The following LITAF variants were observed in gnomAD, a reference collection of about 807,000 sequenced individuals.
LITAF encodes the protein lipopolysaccharide induced TNF factor, also known as lipopolysaccharide-induced tumor necrosis factor-alpha factor.
In LITAF, 9 loss-of-function variants were observed where a neutral mutation model predicts 14.5. That is an observed-to-expected ratio of 0.62 (90% CI 0.37 to 1.08). The LOEUF is 1.08. Ranked by LOEUF, LITAF falls within the 50% of genes least tolerant of loss-of-function variation. The probability of loss-of-function intolerance (pLI) is 0.01; values close to 1 mark genes in which losing one functional copy is unlikely to be tolerated. For synonymous variants in LITAF, 98 were observed against 88.2 expected (o/e 1.11, Z -0.62); for missense variants, 206 against 213.4 (o/e 0.97, Z 0.22).
upstream of LITAF, among the ~76,000 whole-genome samples, chr16:11,639,448 T>G (rs2065155563): frequency 6.8e-6 from 1 of 146,674 alleles, no homozygotes; most frequent in Admixed American, 6.8e-5. Flanking sequence ...GTGGGTGGGA[T>G]GCATGGATGG....
chr16:11,567,706 C>T (rs2064475031), intron 1 of LITAF, among the ~76,000 whole-genome samples: 1 of 151,700 alleles, frequency 6.6e-6, no homozygotes, highest in Non-Finnish European at 1.5e-5. Context: ...AGTTCCAGGC[C>T]GGGCATGGTG....
intron 3 of LITAF, among the ~76,000 whole-genome samples, chr16:11,608,103 G>C (rs1225898705): frequency 1.3e-5 from 2 of 152,162 alleles, no homozygotes; most frequent in African/African-American, 2.4e-5. Flanking sequence ...AGGCTTCCAG[G>C]ACACAGAGCT....
chr16:11,639,711 T>A (rs1288855215), upstream of LITAF, among the ~76,000 whole-genome samples: 1 of 152,158 alleles, frequency 6.6e-6, no homozygotes, highest in African/African-American at 2.4e-5. Context: ...ATAATCTTTT[T>A]AGGCCAGGTG....
intron 3 of LITAF, among the ~76,000 whole-genome samples, chr16:11,627,754 G>A (rs2065092747): frequency 6.6e-6 from 1 of 152,186 alleles, no homozygotes; most frequent in South Asian, 2.1e-4. Flanking sequence ...TGACGCAGGA[G>A]AATGGCTTGC....
chr16:11,553,677 G>A lies in LITAF; in HGVS notation c.233C>T (p.Thr78Met), dbSNP rs1228516620. 16 of 1,614,018 alleles carry A rather than the reference G, an allele frequency of 9.9e-6. No individual in the cohort carries two copies. Among genetic ancestry groups the A allele is most frequent in the East Asian group, 2.2e-5 (1 of 44,898 alleles). Residue 78 changes from threonine to methionine, a missense_variant, in exon 3 of 4, where the codon ACG becomes ATG. Physicochemically the swap from Thr to Met is moderately conservative, Grantham distance 81. Transcript: ENST00000622633. The surrounding 1 kb of genome is among the most constrained non-coding windows in gnomAD (Gnocchi z 7.7). ...IPNNNPITVQ[T>M]VYVQHPITFL... ...GGTGATGGGGTGCTGCACGTAGACC[G>A]TCTGCACGGTAACTGATGAAAGGGA...
At chr16:11,621,375 T>G (rs1340665202) in intron 3 of LITAF, among the ~76,000 whole-genome samples, 1 of 152,128 alleles carries the variant, frequency 6.6e-6, no homozygotes, top group African/African-American at 2.4e-5. Context: ...CAGCCAATTT[T>G]TATATGTTTT....
At chr16:11,550,083 G>A (rs1040611958) in intron 3 of LITAF, among the ~76,000 whole-genome samples, 2 of 152,162 alleles carry the variant, frequency 1.3e-5, no homozygotes, top group East Asian at 1.9e-4. Context: ...AGGAGGGAGC[G>A]TGGCCCTGCT....
At chr16:11,576,763 A>G (rs2141817273) in intron 1 of LITAF, among the ~76,000 whole-genome samples, 1 of 152,306 alleles carries the variant, frequency 6.6e-6, no homozygotes, top group East Asian at 1.9e-4. Context: ...AAGAGTTCAT[A>G]GTTGCCGTGG....
intron 3 of LITAF, among the ~76,000 whole-genome samples, chr16:11,614,800 T>A (rs1172969279): frequency 6.6e-6 from 1 of 152,220 alleles, no homozygotes; most frequent in Admixed American, 6.5e-5. Context: ...ATCTTCTTAC[T>A]TCCTCTGATA....
Position 11,553,322 on chromosome 16 carries a change from A to G in LITAF, c.377+211T>C. ...GCTACACGGGACGCTAAGGCAGGAG[A>G]ATCGTTTGAACCTGAGCAGTGGGGG... is the stretch of plus-strand genomic sequence containing the variant. On this transcript the variant is annotated intron_variant, in intron 3 of 3. Transcript: ENST00000622633. This position sits in a 1 kb window ranked among gnomAD's most constrained non-coding sequence, Gnocchi z 7.7. 1.8e-6 allele frequency: 1 copy of G among 564,394 alleles called. No individual in the cohort carries two copies. The highest frequency in any genetic ancestry group is 3.2e-6 in the Non-Finnish European group (1 of 313,106). 35.0% of individuals were successfully genotyped at this position (564,394 alleles called of 1,614,324 possible).
intron 3 of LITAF, among the ~76,000 whole-genome samples, chr16:11,607,770 A>G (rs1446743574): frequency 6.6e-6 from 1 of 152,154 alleles, no homozygotes; most frequent in African/African-American, 2.4e-5. Flanking sequence ...TGGCACTATT[A>G]GTATTTGGGG....
chr16:11,638,096 C>A (rs866521645), upstream of LITAF, among the ~76,000 whole-genome samples: 215 of 64,384 alleles, frequency 3.3e-3, 28 homozygotes, highest in South Asian at 7.7e-3. Context: ...ATCTATCTAT[C>A]TATATATATA....
At chr16:11,636,101 A>C (rs2065136983) in intron 1 of LITAF, 3 of 152,222 alleles carry the variant, frequency 2.0e-5, no homozygotes, top group Admixed American at 2.0e-4. Context: ...TCTGAGCTCC[A>C]TCCCAAGCAT....
intron 1 of LITAF, among the ~76,000 whole-genome samples, chr16:11,570,228 G>T (rs906809768): frequency 6.6e-6 from 1 of 152,100 alleles, no homozygotes; most frequent in African/African-American, 2.4e-5. Flanking sequence ...CACTTCAGAG[G>T]GCTGCTGTGA....
In LITAF at chr16:11,555,569, G is replaced by A. The variant is rs964877088; in HGVS notation, c.220+942C>T. Among the ~76,000 whole-genome samples the A allele has an allele frequency of 1.3e-4, 19 of 151,896 alleles. 1 individual carries two copies. The highest frequency in any genetic ancestry group is 9.8e-4 in the Admixed American group (15 of 15,242). On this transcript the variant is annotated intron_variant, in intron 2 of 3. Coordinates refer to ENST00000622633, the MANE Select transcript of LITAF (RefSeq NM_001136472.2). ...AGCTATTCCAGAGACTGAAGTGGGA[G>A]GATCACTTGAGCCCAGGAGGTCCAG...
chr16:11,570,261 CG>C (rs2064521392), intron 1 of LITAF, among the ~76,000 whole-genome samples: 1 of 152,050 alleles, frequency 6.6e-6, no homozygotes, highest in South Asian at 2.1e-4. Flanking sequence ...CAAAATACAC[CG>C]GAACATTGGG....
At chr16:11,561,721 C>T (rs1263628195) in intron 1 of LITAF, 1 of 152,114 alleles carries the variant, frequency 6.6e-6, no homozygotes, top group African/African-American at 2.4e-5. Flanking sequence ...TTTTGTTTCC[C>T]TTGTTTTGCG....
intron 1 of LITAF, among the ~76,000 whole-genome samples, chr16:11,582,334 A>C (rs904216726): frequency 5.3e-5 from 8 of 151,572 alleles, no homozygotes; most frequent in Admixed American, 4.6e-4. Flanking sequence ...AAAAAAAAAA[A>C]AAAAGAACTC....
intron 1 of LITAF, among the ~76,000 whole-genome samples, chr16:11,593,354 CAAAAAAAAA>C (rs57678584): frequency 5.5e-5 from 3 of 54,752 alleles, no homozygotes; most frequent in African/African-American, 7.1e-5. Flanking sequence ...AACTCTGTCT[CAAAAAAAAA>C]AAAAAAAAAA....
Sources: allele counts gnomAD v4.1 joint callset (sites outside exome capture counted in the v4.1 genomes callset), GRCh38; gene constraint gnomAD v4.1.1; non-coding constraint Gnocchi (gnomAD v3.1); transcripts MANE v1.5; gene names NCBI Gene and HGNC (gene_info 2026-07-23, HGNC 2026-07-21).